Variants in GRID2 observed in about 807,000 individuals in gnomAD.
The protein encoded by GRID2 is glutamate ionotropic receptor delta type subunit 2.
A neutral mutation model predicts 114.8 loss-of-function variants in GRID2; 33 were observed. That is an observed-to-expected ratio of 0.29 (90% CI 0.22 to 0.38). The LOEUF is 0.38. Ranked by LOEUF, GRID2 falls within the 10% of genes least tolerant of loss-of-function variation. The pLI is 1.00. For missense variants in GRID2, 1,184 were observed against 1,257.7 expected (o/e 0.94, Z 0.89); for synonymous variants, 505 against 449.9 (o/e 1.12, Z -1.55).
chr4:92,313,063 G>A (rs1259541955), intron 1 of GRID2, among the ~76,000 whole-genome samples: 2 of 148,616 alleles, frequency 1.3e-5, no homozygotes, highest in Non-Finnish European at 3.0e-5. Context: ...AAGAATGAGT[G>A]GATAAAGAAA....
intron 1 of GRID2, among the ~76,000 whole-genome samples, chr4:92,500,812 T>A (rs577534411): frequency 6.6e-6 from 1 of 152,150 alleles, no homozygotes; most frequent in South Asian, 2.1e-4. Flanking sequence ...CTAGAAGCTC[T>A]TCCGGGGCCA....
At chr4:93,205,261 A>G (rs993669056) in intron 4 of GRID2, among the ~76,000 whole-genome samples, 1 of 151,778 alleles carries the variant, frequency 6.6e-6, no homozygotes, top group Non-Finnish European at 1.5e-5. Flanking sequence ...GCCATAGGTT[A>G]TGTTTTAATT....
intron 8 of GRID2, among the ~76,000 whole-genome samples, chr4:93,285,333 A>G (rs940818478): frequency 6.6e-6 from 1 of 152,178 alleles, no homozygotes; most frequent in Non-Finnish European, 1.5e-5. Flanking sequence ...TTTGCAAACT[A>G]TGTATAGGTA....
chr4:93,421,000 A>G (rs1768218718), intron 9 of GRID2, among the ~76,000 whole-genome samples: 1 of 152,072 alleles, frequency 6.6e-6, no homozygotes, highest in Non-Finnish European at 1.5e-5. Context: ...TGATCCGCCC[A>G]CTTCGGTCTC....
rs760078503 is a variant in GRID2 at position 92,990,305 on chromosome 4, ATGTG to A, written c.245-94670_245-94667del. Among the ~76,000 whole-genome samples, 106 of 71,476 alleles carry A rather than the reference ATGTG, an allele frequency of 1.5e-3. 2 individuals carry two copies. Among genetic ancestry groups the A allele is most frequent in the African/African-American group, 2.7e-3 (42 of 15,784 alleles). The allele number at this position is 71,476 out of a possible 152,430, so 46.9% of individuals were successfully genotyped here. On this transcript the variant is annotated intron_variant, in intron 2 of 15. Coordinates refer to ENST00000282020, the MANE Select transcript of GRID2 (RefSeq NM_001510.4). ...TGTGTGTGTATATATATATATATAT[ATGTG>A]TGTGTGTGTGTGTGTGTGTATAATT...
At position 93,206,542 on chromosome 4, in the gene GRID2, A is replaced by G. The variant is rs1315462757; in HGVS notation, c.736-862A>G. ...CAGAAGAACGTGTCTTAGAATATGT[A>G]TGATAAGATTTATTAGCGTAGAAAC... On this transcript the variant is annotated intron_variant, in intron 4 of 15. Transcript: ENST00000282020. 3.3e-5 allele frequency among the ~76,000 whole-genome samples: 5 copies of G among 151,448 alleles called. No individual in the cohort carries two copies. The Admixed American group carries it at 3.3e-4, about 10-fold the overall frequency.
At chr4:93,102,769 A>G (rs534603928) in intron 3 of GRID2, among the ~76,000 whole-genome samples, 58 of 151,060 alleles carry the variant, frequency 3.8e-4, no homozygotes, top group South Asian at 1.7e-3. Flanking sequence ...AGCCACCAGT[A>G]TAACCCTGTT....
intron 14 of GRID2, among the ~76,000 whole-genome samples, chr4:93,753,812 G>A (rs1732530013): frequency 1.3e-5 from 2 of 152,136 alleles, no homozygotes; most frequent in African/African-American, 4.8e-5. Flanking sequence ...AGTCCCTGGG[G>A]AATCTTGAGA....
At chr4:92,748,668 T>G (rs941966485) in intron 2 of GRID2, among the ~76,000 whole-genome samples, 5 of 145,210 alleles carry the variant, frequency 3.4e-5, no homozygotes, top group Non-Finnish European at 7.5e-5. Context: ...ATTATTATTA[T>G]TATTATTATT....
intron 1 of GRID2, among the ~76,000 whole-genome samples, chr4:92,470,339 A>G (rs1721974010): frequency 6.7e-6 from 1 of 148,574 alleles, no homozygotes; most frequent in South Asian, 2.1e-4. Context: ...TGGCAGAGAG[A>G]CACAAACATG....
At chr4:93,003,313 G>C (rs1202739912) in intron 2 of GRID2, among the ~76,000 whole-genome samples, 1 of 151,772 alleles carries the variant, frequency 6.6e-6, no homozygotes, top group African/African-American at 2.4e-5. Context: ...ATTAATTACT[G>C]TTTACAGCCA....
At chr4:93,168,867 G>A (rs1469963074) in intron 4 of GRID2, among the ~76,000 whole-genome samples, 2 of 152,012 alleles carry the variant, frequency 1.3e-5, no homozygotes, top group Non-Finnish European at 2.9e-5. Flanking sequence ...GTCCATTTGT[G>A]CCCATGAAAC....
chr4:93,702,498 T>C (rs1371357), intron 14 of GRID2, among the ~76,000 whole-genome samples: 134,262 of 152,138 alleles, frequency 0.88, 59,246 homozygotes, highest in East Asian at 0.98. Context: ...TTCATGGGTA[T>C]TTGTATTGCT....
chr4:93,677,504 C>T (rs998092143), intron 14 of GRID2, among the ~76,000 whole-genome samples: 7 of 152,174 alleles, frequency 4.6e-5, no homozygotes, highest in Non-Finnish European at 8.8e-5. Context: ...CCCTGACCCC[C>T]GAGCAGCCTA....
chr4:92,746,969 G>C (rs948845413), intron 2 of GRID2, among the ~76,000 whole-genome samples: 5 of 151,996 alleles, frequency 3.3e-5, no homozygotes, highest in African/African-American at 1.2e-4. Context: ...CGTCAATGTT[G>C]GAAAGTGTAC....
intron 2 of GRID2, among the ~76,000 whole-genome samples, chr4:93,000,559 A>C (rs1160155636): frequency 4.0e-5 from 6 of 151,798 alleles, no homozygotes; most frequent in Non-Finnish European, 7.4e-5. Context: ...TAACTTATAA[A>C]AAATTAAAAT....
chr4:93,331,950 C>T (rs1348461422), intron 8 of GRID2, among the ~76,000 whole-genome samples: 1 of 152,054 alleles, frequency 6.6e-6, no homozygotes, highest in Admixed American at 6.6e-5. Flanking sequence ...TGTTCTTACT[C>T]TCTAATAGCT....
intron 4 of GRID2, among the ~76,000 whole-genome samples, chr4:93,168,460 T>C (rs1738473313): frequency 6.6e-6 from 1 of 152,138 alleles, no homozygotes; most frequent in African/African-American, 2.4e-5. Context: ...TATGTATATT[T>C]AGTTAGCCAG....
At chr4:93,413,218 G>A (rs1351823982) in intron 9 of GRID2, among the ~76,000 whole-genome samples, 4 of 152,172 alleles carry the variant, frequency 2.6e-5, no homozygotes, top group Non-Finnish European at 4.4e-5. Context: ...CACCAACAGT[G>A]TAAAAGCGTT....
Sources: gnomAD v4.1 joint callset for allele counts (sites outside exome capture counted in the v4.1 genomes callset) on GRCh38, gnomAD v4.1.1 for gene constraint, MANE v1.5 for transcripts, NCBI Gene and HGNC (gene_info 2026-07-23, HGNC 2026-07-21) for gene names.